KIF7: variants seen among roughly 807,000 people sequenced by gnomAD.
KIF7 encodes kinesin-like protein KIF7.
Under a neutral mutation model 135.7 loss-of-function variants are expected in KIF7, and 104 were observed. The observed-to-expected ratio is 0.77, with a 90% CI of 0.65 to 0.90. KIF7 has a LOEUF of 0.90. Among genes scored for constraint, KIF7 ranks in the 40% least tolerant of loss-of-function variants. The probability of loss-of-function intolerance (pLI) is 0.00; values close to 1 mark genes in which losing one functional copy is unlikely to be tolerated. For synonymous variants in KIF7, 883 were observed against 809.4 expected (o/e 1.09, Z -1.54); for missense variants, 2,005 against 1,839.1 (o/e 1.09, Z -1.65).
rs1399453806 is a variant in KIF7, at chr15:89,621,265, C to A, written c.181-3070G>T. 3 of 851,474 alleles carry A rather than the reference C, an allele frequency of 3.5e-6. No individual in the cohort carries two copies. The African/African-American group carries it at 5.2e-5, about 15-fold the overall frequency. 52.7% of individuals were successfully genotyped at this position (851,474 alleles called of 1,614,324 possible). ...CGAACTCCTGACCTCAGACCATCCA[C>A]CTGTCTCGGCCTCCCAAAGTGCTGG... On this transcript the variant is annotated intron_variant and NMD_transcript_variant, in intron 1 of 2. Transcript: ENST00000558928.
chr15:89,618,163 C>G, exon 2 of KIF7: 1 of 1,614,136 alleles, frequency 6.2e-7, no homozygotes, highest in Non-Finnish European at 8.5e-7. Flanking sequence ...TCCTCTGATC[C>G]TGGTCCTGAT....
chr15:89,648,929 G>C, intron 4 of KIF7, 45 bp downstream of exon 4: 1 of 1,490,108 alleles, frequency 6.7e-7, no homozygotes, highest in Non-Finnish European at 8.9e-7. Context: ...GACACTCCCC[G>C]CCTCCCCGGC....
At chr15:89,626,307 G>A (rs552290889), downstream of KIF7, among the ~76,000 whole-genome samples, 20 of 152,324 alleles carry the variant, frequency 1.3e-4, no homozygotes, top group African/African-American at 4.3e-4. Flanking sequence ...GTTGACAGTC[G>A]TGGGCTTGCC....
chr15:89,632,650 C>T (rs993644191), intron 14 of KIF7, among the ~76,000 whole-genome samples, 170 bp downstream of exon 14: 2 of 152,174 alleles, frequency 1.3e-5, no homozygotes, highest in African/African-American at 4.8e-5. Context: ...GTCTAGACCT[C>T]GCCTGGCAGG....
intron 14 of KIF7, 70 bp from the exon 15 acceptor site, chr15:89,631,780 G>T: frequency 7.5e-7 from 1 of 1,332,236 alleles, no homozygotes. Context: ...AGAAAGGGCC[G>T]GATGTTAAGG....
chr15:89,648,790 GGA>G lies in KIF7; in HGVS notation c.924-18_924-17del. 6.5e-7 allele frequency: 1 copy of G among 1,527,986 alleles called. No individual in the cohort carries two copies. Among genetic ancestry groups the G allele is most frequent in the East Asian group, 2.5e-5 (1 of 40,694 alleles). 94.7% of individuals were successfully genotyped at this position (1,527,986 alleles called of 1,614,324 possible). A position where few individuals can be genotyped will look rare whatever the true frequency, so the allele number is the denominator to read the frequency against. On this transcript the variant is annotated splice_polypyrimidine_tract_variant and intron_variant, in intron 4 of 18. Coordinates refer to ENST00000394412, the MANE Select transcript of KIF7 (RefSeq NM_198525.3). ...TTTGAGGATCCTGAGGGCGCGAGGG[GGA>G]GGCTCTCAGGGGCCCCGACGCTCCA...
chr15:89,642,323 C>A lies in KIF7; in HGVS notation c.2274G>T (p.Glu758Asp). The A allele has an allele frequency of 6.2e-7, 1 of 1,610,916 alleles. No individual in the cohort carries two copies. Reference sequence around the variant, plus strand: ...GCAGCTGCCTCTGGCCTTCACTCAGCTCGGCCCGCACCTGCTCTGCCTCCT... The same window carrying A: ...GCAGCTGCCTCTGGCCTTCACTCAGATCGGCCCGCACCTGCTCTGCCTCCT... ...LEQEAEQVRA[E>D]LSEGQRQLRE... is the part of the protein sequence containing the mutation. Residue 758 changes from glutamate to aspartate, a missense_variant, in exon 11 of 19, where the codon GAG (glutamate) becomes GAT (aspartate). Glu to Asp is a conservative substitution (Grantham distance 45). Coordinates refer to ENST00000394412, the MANE Select transcript of KIF7 (RefSeq NM_198525.3).
downstream of KIF7, chr15:89,624,594 C>T (rs756037547): frequency 3.1e-6 from 5 of 1,613,828 alleles, no homozygotes; most frequent in East Asian, 6.7e-5. Context: ...AGGGACTGAG[C>T]CTCTCTCCTC....
chr15:89,631,459 G>T, intron 15 of KIF7, 36 bp downstream of exon 15: 1 of 1,516,576 alleles, frequency 6.6e-7, no homozygotes. Flanking sequence ...GGCATACAAT[G>T]GCACCAAGGG....
chr15:89,625,337 A>G, downstream of KIF7: 1 of 1,614,100 alleles, frequency 6.2e-7, no homozygotes, highest in African/African-American at 1.3e-5. Context: ...CACAGTGGGA[A>G]GACAACTCCA....
chr15:89,632,751 A>C, intron 14 of KIF7, 69 bp downstream of exon 14: 8 of 1,523,060 alleles, frequency 5.3e-6, no homozygotes, highest in African/African-American at 1.4e-5. Flanking sequence ...TCACCTGGCA[A>C]GATCTGTCCT....
At chr15:89,629,330 G>A (rs752123831) in intron 17 of KIF7, 45 bp downstream of exon 17, 149 of 1,258,198 alleles carry the variant, frequency 1.2e-4, no homozygotes, top group Non-Finnish European at 1.5e-4. Flanking sequence ...GGGGTGGGGG[G>A]GATGGAGGGG....
At chr15:89,633,607 T>C in intron 12 of KIF7, 79 bp downstream of exon 12, 1 of 1,508,902 alleles carries the variant, frequency 6.6e-7, no homozygotes, top group Non-Finnish European at 9.0e-7. Flanking sequence ...TTGCAAACCC[T>C]GCCTGGGCTC....
Position 89,628,674 on chromosome 15 carries a change from G to C in KIF7, c.3777C>G (p.Pro1259=). The change falls in exon 19 of 19, where the codon CCC becomes CCG. Residue 1259 remains proline, a synonymous_variant. Transcript: ENST00000394412. ...AGTCCCGCGTCTCCTCCCGGGTGCG[G>C]GGGGCCCCCTCAGTGAGGGGGGACA... ...LWLSPLTEGA[P]RTREETRDLV... is the part of the protein sequence containing the mutation. The C allele has an allele frequency of 6.2e-7, 1 of 1,613,032 alleles. No individual in the cohort carries two copies. Among genetic ancestry groups the C allele is most frequent in the Non-Finnish European group, 8.5e-7 (1 of 1,179,886 alleles).
Position 89,642,414 on chromosome 15 carries a change from A to G in KIF7, c.2192-9T>C. 1.3e-6 allele frequency: 2 copies of G among 1,589,472 alleles called. No homozygotes were observed. Among genetic ancestry groups the G allele is most frequent in the South Asian group, 1.1e-5 (1 of 87,714 alleles). On this transcript the variant is annotated splice_polypyrimidine_tract_variant and intron_variant, in intron 10 of 18. Coordinates refer to ENST00000394412, the MANE Select transcript of KIF7 (RefSeq NM_198525.3). ...GGCCTGAGCTGCCTTTCCTGGAAGAAAGCGGGAATGTCAGCACAGGCAGCC... is the reference window on the plus strand; with the variant it reads ...GGCCTGAGCTGCCTTTCCTGGAAGAGAGCGGGAATGTCAGCACAGGCAGCC...
intron 5 of KIF7, among the ~76,000 whole-genome samples, chr15:89,647,930 G>T (rs1363894668): frequency 1.3e-5 from 2 of 152,166 alleles, no homozygotes; most frequent in Non-Finnish European, 2.9e-5. Flanking sequence ...CATCGTATTT[G>T]TATTAATAAT....
At position 89,631,380 on chromosome 15, in the gene KIF7, G is replaced by T. The variant is rs1345006880; in HGVS notation, c.3111+115C>A. On this transcript the variant is annotated intron_variant, in intron 15 of 18. Transcript: ENST00000394412. Reference sequence around the variant, plus strand: ...CACCTCCACCTAACAGTGAAAACTTGGGTCTGCCGACAGCAAGGCCCAGCA... The same window carrying T: ...CACCTCCACCTAACAGTGAAAACTTTGGTCTGCCGACAGCAAGGCCCAGCA... 3.2e-5 allele frequency: 29 copies of T among 915,276 alleles called. 1 individual carries two copies. The East Asian group carries it at 6.6e-4, about 21-fold the overall frequency. The allele number at this position is 915,276 out of a possible 1,614,324, so 56.7% of individuals were successfully genotyped here. A position where few individuals can be genotyped will look rare whatever the true frequency, so the allele number is the denominator to read the frequency against.
At chr15:89,645,285 C>T in intron 9 of KIF7, 51 bp downstream of exon 9, 1 of 1,601,754 alleles carries the variant, frequency 6.2e-7, no homozygotes. Context: ...TGGCCCAGAA[C>T]CGTGGAGGGG....
In KIF7 at chr15:89,628,667, G is replaced by GGGTGCGGGGGGCCCCCTC. The variant is rs1596063950; in HGVS notation, c.3766_3783dup (p.Glu1256_Thr1261dup). On this transcript the variant is annotated inframe_insertion, in exon 19 of 19. Coordinates refer to ENST00000394412, the MANE Select transcript of KIF7 (RefSeq NM_198525.3). The stretch of plus-strand genomic sequence containing the variant: ...TGGACCAAGTCCCGCGTCTCCTCCC[G>GGGTGCGGGGGGCCCCCTC]GGTGCGGGGGGCCCCCTCAGTGAGG... 6.2e-7 allele frequency: 1 copy of GGGTGCGGGGGGCCCCCTC among 1,613,066 alleles called. No individual in the cohort carries two copies. The highest frequency in any genetic ancestry group is 8.5e-7 in the Non-Finnish European group (1 of 1,179,904).
Sources: allele counts gnomAD v4.1 joint callset (sites outside exome capture counted in the v4.1 genomes callset), GRCh38; gene constraint gnomAD v4.1.1; transcripts MANE v1.5; gene names NCBI Gene and HGNC (gene_info 2026-07-23, HGNC 2026-07-21).